ZNF407: variants seen among roughly 807,000 people sequenced by gnomAD.
The protein encoded by ZNF407 is zinc finger protein 407.
A neutral mutation model predicts 131.2 loss-of-function variants in ZNF407; 17 were observed. That is an observed-to-expected ratio of 0.13 (90% CI 0.09 to 0.19). ZNF407 has a LOEUF of 0.19. ZNF407 is among the 10% of genes least tolerant of loss of function. The pLI, the probability that ZNF407 is intolerant of heterozygous loss-of-function variation, is 1.00. For synonymous variants in ZNF407, 1,156 were observed against 1,062.0 expected, an observed-to-expected ratio of 1.09 and a Z score of -1.72; for missense variants, 2,681 against 2,830.6, an observed-to-expected ratio of 0.95 and a Z score of 1.20.
intron 8 of ZNF407, among the ~76,000 whole-genome samples, chr18:74,955,720 A>G (rs1345540432): frequency 6.6e-6 from 1 of 152,242 alleles, no homozygotes; most frequent in Non-Finnish European, 1.5e-5. Flanking sequence ...TACCCGAGTC[A>G]CATCAAGTCT....
At chr18:74,674,262 G>A (rs1408280389) in intron 3 of ZNF407, among the ~76,000 whole-genome samples, 1 of 152,284 alleles carries the variant, frequency 6.6e-6, no homozygotes, top group Middle Eastern at 3.4e-3. Flanking sequence ...GCATATGGCT[G>A]TGGTGGCTCG....
chr18:74,679,864 G>T (rs1441956329), intron 3 of ZNF407, among the ~76,000 whole-genome samples: 2 of 152,192 alleles, frequency 1.3e-5, no homozygotes, highest in East Asian at 3.8e-4. Context: ...ATCATCAGTG[G>T]TTCTTCATGT....
intron 3 of ZNF407, among the ~76,000 whole-genome samples, chr18:74,676,194 C>G (rs1043191297): frequency 6.6e-6 from 1 of 151,346 alleles, no homozygotes; most frequent in African/African-American, 2.4e-5. Context: ...TGGGTTCAAA[C>G]GATTCCTCAG....
intron 3 of ZNF407, among the ~76,000 whole-genome samples, chr18:74,675,493 AAC>A (rs1271181489): frequency 6.6e-6 from 1 of 152,240 alleles, no homozygotes; most frequent in East Asian, 1.9e-4. Context: ...TATTGGGAAG[AAC>A]ACACAGAGAC....
At position 74,641,651 on chromosome 18, in the gene ZNF407, CTT is replaced by C. The variant is rs1984724952; in HGVS notation, c.4802+530_4802+531del. ...ATTTTTGTGTAACTTTATTTCAAAA[CTT>C]ATTTCCTTTTTTAGTTAATGGTTCT... On this transcript the variant is annotated intron_variant, in intron 3 of 8. Coordinates refer to ENST00000299687, the MANE Select transcript of ZNF407 (RefSeq NM_017757.3). Among the ~76,000 whole-genome samples, 3 of 152,190 alleles carry C rather than the reference CTT, an allele frequency of 2.0e-5. No homozygotes were observed. The South Asian group carries it at 6.2e-4, about 32-fold the overall frequency.
Position 74,741,296 on chromosome 18 carries a change from ATGTG to A in ZNF407, c.4803-40128_4803-40125del, listed in dbSNP as rs1404210263. Among the ~76,000 whole-genome samples, 3 of 152,308 alleles carry A rather than the reference ATGTG, an allele frequency of 2.0e-5. No homozygotes were observed. In the East Asian group the frequency reaches 5.8e-4, roughly 29 times the overall value. On this transcript the variant is annotated intron_variant, in intron 3 of 8. Transcript: ENST00000299687. ...GACTTATGTTCACGCTCGTGTGTGA[ATGTG>A]TGTATATGTGTATCTACATTTGTGA...
At chr18:74,962,892 A>T (rs1448383382) in intron 8 of ZNF407, among the ~76,000 whole-genome samples, 1 of 152,248 alleles carries the variant, frequency 6.6e-6, no homozygotes, top group Non-Finnish European at 1.5e-5. Flanking sequence ...TAACAAATGA[A>T]TGAATGAATG....
chr18:74,921,169 G>A (rs968280123), intron 8 of ZNF407: 3 of 345,916 alleles, frequency 8.7e-6, no homozygotes, highest in Admixed American at 6.5e-5. Context: ...GGTGCTGTGC[G>A]TTTCCCAGAA....
At chr18:74,884,961 T>TA (rs1217148628) in intron 6 of ZNF407, among the ~76,000 whole-genome samples, 1 of 152,126 alleles carries the variant, frequency 6.6e-6, no homozygotes, top group East Asian at 1.9e-4. Context: ...CTACCAACAC[T>TA]ATTGCGATAA....
intron 8 of ZNF407, among the ~76,000 whole-genome samples, chr18:74,983,532 G>A (rs1459366094): frequency 6.6e-6 from 1 of 152,114 alleles, no homozygotes; most frequent in Admixed American, 6.5e-5. Context: ...GGCTAGTATT[G>A]TTGCTTTTTT....
intron 8 of ZNF407, among the ~76,000 whole-genome samples, chr18:74,980,353 GCTGGAGTGC>G (rs1358206708): frequency 1.3e-5 from 2 of 151,644 alleles, no homozygotes; most frequent in Admixed American, 6.6e-5. Flanking sequence ...TGTGGCCCAG[GCTGGAGTGC>G]AACGGCGTGA....
chr18:74,876,016 CA>C (rs1456905759), intron 4 of ZNF407, among the ~76,000 whole-genome samples: 2 of 152,210 alleles, frequency 1.3e-5, no homozygotes, highest in Admixed American at 1.3e-4. Context: ...ACATTTGCCT[CA>C]AAATAGGGAA....
intron 3 of ZNF407, among the ~76,000 whole-genome samples, chr18:74,648,625 T>C (rs1268974050): frequency 7.2e-5 from 11 of 152,186 alleles, no homozygotes; most frequent in African/African-American, 2.7e-4. Context: ...ATAATTTTAA[T>C]TAAAGGTGCT....
intron 4 of ZNF407, among the ~76,000 whole-genome samples, chr18:74,808,044 A>G (rs1169099888): frequency 1.3e-5 from 2 of 150,166 alleles, no homozygotes; most frequent in African/African-American, 4.9e-5. Context: ...ACAGAGTTTC[A>G]CTCTTGTTGC....
intron 4 of ZNF407, among the ~76,000 whole-genome samples, chr18:74,793,633 T>A (rs2145054858): frequency 6.6e-6 from 1 of 152,358 alleles, no homozygotes; most frequent in South Asian, 2.1e-4. Flanking sequence ...GTGTTTATTG[T>A]AAGATTTTAT....
chr18:74,881,364 A>G (rs1485702543), intron 6 of ZNF407, among the ~76,000 whole-genome samples: 1 of 152,216 alleles, frequency 6.6e-6, no homozygotes, highest in East Asian at 1.9e-4. Flanking sequence ...TGTTAAGTAG[A>G]AGTAAAACAG....
chr18:74,947,304 C>CG (rs1972164081), intron 8 of ZNF407, among the ~76,000 whole-genome samples: 1 of 152,104 alleles, frequency 6.6e-6, no homozygotes, highest in South Asian at 2.1e-4. Context: ...TTTCATTTGA[C>CG]CTGGGAGAAA....
chr18:74,722,623 C>T (rs1968066387), intron 3 of ZNF407, among the ~76,000 whole-genome samples: 1 of 152,162 alleles, frequency 6.6e-6, no homozygotes, highest in African/African-American at 2.4e-5. Flanking sequence ...ACCATTCTGC[C>T]TCTCCAAGTT....
chr18:75,029,850 C>G (rs1053235967), intron 8 of ZNF407, among the ~76,000 whole-genome samples: 2 of 152,296 alleles, frequency 1.3e-5, no homozygotes, highest in South Asian at 4.1e-4. Flanking sequence ...GCTTCAAACT[C>G]AAAGTCCATA....
Sources: gnomAD v4.1 joint callset for allele counts (sites outside exome capture counted in the v4.1 genomes callset) on GRCh38, gnomAD v4.1.1 for gene constraint, MANE v1.5 for transcripts, NCBI Gene and HGNC (gene_info 2026-07-23, HGNC 2026-07-21) for gene names.